KIRREL3: variants seen among roughly 807,000 people sequenced by gnomAD.
KIRREL3 encodes kin of IRRE-like protein 3.
In KIRREL3, 36 loss-of-function variants were observed where a neutral mutation model predicts 89.7. The observed-to-expected ratio is 0.40, with a 90% CI of 0.31 to 0.53. The LOEUF (loss-of-function observed/expected upper bound fraction) is 0.53, where lower values mean the gene tolerates loss of function less well. KIRREL3 is among the 20% of genes least tolerant of loss of function. The probability of loss-of-function intolerance (pLI) is 0.49; values close to 1 mark genes in which losing one functional copy is unlikely to be tolerated. For missense variants in KIRREL3, 864 were observed against 1,056.6 expected (o/e 0.82, Z 2.53); for synonymous variants, 445 against 441.4 (o/e 1.01, Z -0.10).
chr11:126,831,556 T>C (rs1049789856), intron 1 of KIRREL3, among the ~76,000 whole-genome samples: 4 of 152,112 alleles, frequency 2.6e-5, no homozygotes, highest in African/African-American at 9.7e-5. Context: ...AATAGGTACA[T>C]TTAATTCTAA....
At position 126,491,392 on chromosome 11, in the gene KIRREL3, G is replaced by A. The variant is rs556676297; in HGVS notation, c.434-17926C>T. ...ACTTGCTCTCAGGGGGAAAGAAAGC[G>A]CCCTCTCTTCCTGCAGGGCTGGCTG... On this transcript the variant is annotated intron_variant, in intron 4 of 16. Coordinates refer to ENST00000525144, the MANE Select transcript of KIRREL3 (RefSeq NM_032531.4). This position sits in a 1 kb window ranked among gnomAD's most constrained non-coding sequence, Gnocchi z 5.5. Among the ~76,000 whole-genome samples, 17 of 152,312 alleles carry A rather than the reference G, an allele frequency of 1.1e-4. No homozygotes were observed. Among genetic ancestry groups the A allele is most frequent in the African/African-American group, 2.4e-4 (10 of 41,568 alleles).
In KIRREL3 at chr11:126,641,765, A is replaced by C. The variant is rs529202883; in HGVS notation, c.56-78853T>G. 6.6e-6 allele frequency among the ~76,000 whole-genome samples: 1 copy of C among 152,318 alleles called. No homozygotes were observed. The highest frequency in any genetic ancestry group is 1.5e-5 in the Non-Finnish European group (1 of 68,018). On this transcript the variant is annotated intron_variant, in intron 1 of 16. Coordinates refer to ENST00000525144, the MANE Select transcript of KIRREL3 (RefSeq NM_032531.4). The surrounding 1 kb of genome is among the most constrained non-coding windows in gnomAD (Gnocchi z 5.0). ...ATAGCATTTATTATGCTATGTAAAT[A>C]CACCATTATATATGAATTTATAGCA...
At position 126,696,526 on chromosome 11, in the gene KIRREL3, A is replaced by G. The variant is rs528089242; in HGVS notation, c.56-133614T>C. Among the ~76,000 whole-genome samples the G allele has an allele frequency of 3.9e-5, 6 of 152,190 alleles. No individual in the cohort carries two copies. In the South Asian group the frequency reaches 1.2e-3, roughly 32 times the overall value. On this transcript the variant is annotated intron_variant, in intron 1 of 16. Transcript: ENST00000525144. The surrounding 1 kb of genome is among the most constrained non-coding windows in gnomAD (Gnocchi z 4.4). ...GCCTCTTGCCTCGACATCTGGCCCCACCGTCCAACCCACCTTTCAGCCTCC... is the reference window on the plus strand; with the variant it reads ...GCCTCTTGCCTCGACATCTGGCCCCGCCGTCCAACCCACCTTTCAGCCTCC...
At chr11:126,460,516 C>T (rs572198558) in intron 6 of KIRREL3, among the ~76,000 whole-genome samples, 22 of 152,318 alleles carry the variant, frequency 1.4e-4, no homozygotes, top group African/African-American at 5.1e-4. Context: ...GCCTTCACCA[C>T]TACCCAGTAC....
At position 126,677,423 on chromosome 11, in the gene KIRREL3, A is replaced by G. The variant is rs1455117116; in HGVS notation, c.56-114511T>C. Among the ~76,000 whole-genome samples, 1 of 152,218 alleles carries G rather than the reference A, an allele frequency of 6.6e-6. No individual in the cohort carries two copies. Among genetic ancestry groups the G allele is most frequent in the Non-Finnish European group, 1.5e-5 (1 of 68,038 alleles). ...CATTCTGGAGAAAGGATGTTGGCAT[A>G]GTCTGGGTGCTTTGCTATCTATTAT... On this transcript the variant is annotated intron_variant, in intron 1 of 16. Coordinates refer to ENST00000525144, the MANE Select transcript of KIRREL3 (RefSeq NM_032531.4). The surrounding 1 kb of genome is among the most constrained non-coding windows in gnomAD (Gnocchi z 5.1).
Position 126,628,510 on chromosome 11 carries a change from C to A in KIRREL3, c.56-65598G>T, listed in dbSNP as rs772067330. On this transcript the variant is annotated intron_variant, in intron 1 of 16. Coordinates refer to ENST00000525144, the MANE Select transcript of KIRREL3 (RefSeq NM_032531.4). The surrounding 1 kb of genome is among the most constrained non-coding windows in gnomAD (Gnocchi z 5.2). ...GCTGAGCAGGAAGAACAGTATATCCCGTTCTCCTAGCTCTCAAAACAATGG... is the reference window on the plus strand; with the variant it reads ...GCTGAGCAGGAAGAACAGTATATCCAGTTCTCCTAGCTCTCAAAACAATGG... Among the ~76,000 whole-genome samples, 2 of 152,194 alleles carry A rather than the reference C, an allele frequency of 1.3e-5. No individual in the cohort carries two copies. The highest frequency in any genetic ancestry group is 2.9e-5 in the Non-Finnish European group (2 of 68,036).
chr11:126,989,085 G>A lies in KIRREL3; in HGVS notation c.55+11370C>T, dbSNP rs1246804882. 1.3e-5 allele frequency among the ~76,000 whole-genome samples: 2 copies of A among 152,118 alleles called. No individual in the cohort carries two copies. The highest frequency in any genetic ancestry group is 2.9e-5 in the Non-Finnish European group (2 of 68,040). ...TTGGTATAACATCTTTTAATTTGAG[G>A]AGGAGCTCAGTCCCCATTATTTTCA... On this transcript the variant is annotated intron_variant, in intron 1 of 16. Transcript: ENST00000525144. The surrounding 1 kb of genome is among the most constrained non-coding windows in gnomAD (Gnocchi z 6.2).
chr11:126,825,831 T>G (rs1366447014), intron 1 of KIRREL3, among the ~76,000 whole-genome samples: 1 of 152,166 alleles, frequency 6.6e-6, no homozygotes, highest in Non-Finnish European at 1.5e-5. Flanking sequence ...CACAGAGGGA[T>G]TAAGTAACTT....
At chr11:126,546,961 A>T (rs1171011417) in intron 2 of KIRREL3, among the ~76,000 whole-genome samples, 1 of 152,224 alleles carries the variant, frequency 6.6e-6, no homozygotes, top group Non-Finnish European at 1.5e-5. Context: ...ATTTTTAAAA[A>T]ACATTATTAT....
At chr11:126,540,847 G>A (rs1392901467) in intron 2 of KIRREL3, among the ~76,000 whole-genome samples, 1 of 152,224 alleles carries the variant, frequency 6.6e-6, no homozygotes, top group East Asian at 1.9e-4. Context: ...TCTCAGGCCT[G>A]TTGCTGGCCA....
chr11:126,527,807 CT>C lies in KIRREL3; in HGVS notation c.134-1121del, dbSNP rs1958809077. On this transcript the variant is annotated intron_variant, in intron 2 of 16. Coordinates refer to ENST00000525144, the MANE Select transcript of KIRREL3 (RefSeq NM_032531.4). This position sits in a 1 kb window ranked among gnomAD's most constrained non-coding sequence, Gnocchi z 4.2. ...TCTTTCTGGCTCTGAAGACCATGCT[CT>C]CCCCTACTGAGCTATGCTGTGTGCA... Among the ~76,000 whole-genome samples, 1 of 152,124 alleles carries C rather than the reference CT, an allele frequency of 6.6e-6. No individual in the cohort carries two copies.
rs1009479337 is a variant in KIRREL3 at position 126,432,378 on chromosome 11, TCTACAG to T, written c.1589-858_1589-853del. ...TGATCTTCCACACAGCCTTGGCCCT[TCTACAG>T]CTGCAAGTGGGGTCGGAGCACATGA... On this transcript the variant is annotated intron_variant, in intron 13 of 16. Transcript: ENST00000525144. The surrounding 1 kb of genome is among the most constrained non-coding windows in gnomAD (Gnocchi z 6.2). Among the ~76,000 whole-genome samples, 5 of 152,140 alleles carry T rather than the reference TCTACAG, an allele frequency of 3.3e-5. No homozygotes were observed. Among genetic ancestry groups the T allele is most frequent in the African/African-American group, 1.2e-4 (5 of 41,432 alleles).
rs1229433105 is a variant in KIRREL3, at chr11:126,656,077, G to A, written c.56-93165C>T. On this transcript the variant is annotated intron_variant, in intron 1 of 16. Coordinates refer to ENST00000525144, the MANE Select transcript of KIRREL3 (RefSeq NM_032531.4). The surrounding 1 kb of genome is among the most constrained non-coding windows in gnomAD (Gnocchi z 4.0). ...GAGTCCTGTGGATTCACTAGATTCTGGGACTATACCTTATCTATGCTGTGC... is the reference window on the plus strand; with the variant it reads ...GAGTCCTGTGGATTCACTAGATTCTAGGACTATACCTTATCTATGCTGTGC... 7.3e-5 allele frequency: 33 copies of A among 449,946 alleles called. No individual in the cohort carries two copies. The highest frequency in any genetic ancestry group is 2.0e-5 in the African/African-American group (1 of 49,862). 27.9% of individuals were successfully genotyped at this position (449,946 alleles called of 1,614,324 possible).
intron 1 of KIRREL3, among the ~76,000 whole-genome samples, chr11:126,923,263 T>TCTCCTTCTCCTTCTCCTTCTC (rs1947526698): frequency 1.8e-5 from 1 of 56,642 alleles, no homozygotes; most frequent in Admixed American, 1.7e-4. Context: ...TTCTTCTTCT[T>TCTCCTTCTCCTTCTCCTTCTC]CTTCTCCTTC....
At chr11:126,832,427 A>AC (rs1429500301) in intron 1 of KIRREL3, among the ~76,000 whole-genome samples, 1 of 152,080 alleles carries the variant, frequency 6.6e-6, no homozygotes, top group Non-Finnish European at 1.5e-5. Context: ...CTAGAAGGAG[A>AC]CCCCTGGAAA....
chr11:126,435,450 C>T, intron 12 of KIRREL3, 147 bp from the exon 13 acceptor site: 1 of 784,662 alleles, frequency 1.3e-6, no homozygotes, highest in Non-Finnish European at 2.1e-6. Flanking sequence ...CCAGGCTAGC[C>T]CAGCTGAACT....
rs1943104608 is a variant in KIRREL3, at chr11:126,610,975, C to T, written c.56-48063G>A. ...TACATCTCCAAGCTTCAGGAGGAAG[C>T]TAGACACATCTGAAAGCCTCTGAAC... On this transcript the variant is annotated intron_variant, in intron 1 of 16. Transcript: ENST00000525144. This position sits in a 1 kb window ranked among gnomAD's most constrained non-coding sequence, Gnocchi z 4.6. 6.6e-6 allele frequency: 1 copy of T among 152,198 alleles called. No homozygotes were observed. The highest frequency in any genetic ancestry group is 2.4e-5 in the African/African-American group (1 of 41,442). The allele number at this position is 152,198 out of a possible 1,614,324, so 9.4% of individuals were successfully genotyped here. A position where few individuals can be genotyped will look rare whatever the true frequency, so the allele number is the denominator to read the frequency against.
chr11:126,540,933 C>G (rs56278685), intron 2 of KIRREL3, among the ~76,000 whole-genome samples: 2,340 of 152,306 alleles, frequency 0.015, 28 homozygotes, highest in Non-Finnish European at 0.024. Flanking sequence ...AATGTGCCCT[C>G]ACTGAGCCGG....
At chr11:126,693,442 CA>C (rs966336992) in intron 1 of KIRREL3, among the ~76,000 whole-genome samples, 6 of 151,804 alleles carry the variant, frequency 4.0e-5, no homozygotes, top group Admixed American at 3.9e-4. Flanking sequence ...AACAAACAAA[CA>C]AAAAAACAAC....
Sources: allele counts gnomAD v4.1 joint callset (sites outside exome capture counted in the v4.1 genomes callset), GRCh38; gene constraint gnomAD v4.1.1; non-coding constraint Gnocchi (gnomAD v3.1); transcripts MANE v1.5; gene names NCBI Gene and HGNC (gene_info 2026-07-23, HGNC 2026-07-21).